C14orf132: variants seen among roughly 807,000 people sequenced by gnomAD.
The protein encoded by C14orf132 is chromosome 14 open reading frame 132, also known as uncharacterized protein C14orf132.
Under a neutral mutation model 5.8 loss-of-function variants are expected in C14orf132, and 6 were observed. That is an observed-to-expected ratio of 1.03 (90% CI 0.57 to 2.04). C14orf132 has a LOEUF of 2.04. C14orf132 is among the 30% of genes most tolerant of loss of function. The pLI is 0.00. For synonymous variants in C14orf132, 51 were observed against 49.8 expected (o/e 1.02, Z -0.10); for missense variants, 125 against 115.8 (o/e 1.08, Z -0.37).
intron 1 of C14orf132, among the ~76,000 whole-genome samples, chr14:96,080,020 AT>A (rs778474816): frequency 5.9e-5 from 9 of 152,250 alleles, no homozygotes; most frequent in Non-Finnish European, 1.2e-4. Context: ...TATGCTAAAA[AT>A]TGTGTTGTTT....
intron 1 of C14orf132, among the ~76,000 whole-genome samples, chr14:96,083,374 C>G (rs1214257060): frequency 6.6e-6 from 1 of 152,088 alleles, no homozygotes; most frequent in Non-Finnish European, 1.5e-5. Context: ...GAGTGATGCC[C>G]CCACCAAGGA....
At position 96,088,697 on chromosome 14, in the gene C14orf132, C is replaced by A. The variant is rs1278633846; in HGVS notation, c.*1962C>A. On this transcript the variant is annotated 3_prime_UTR_variant, in exon 2 of 2. Transcript: ENST00000555004. The stretch of plus-strand genomic sequence containing the variant: ...CCACATGCTCAAATCTTCCCTCTGG[C>A]CCCACATCCCTAGGAGGGCCTGACC... The A allele has an allele frequency of 6.6e-6, 1 of 152,242 alleles. No homozygotes were observed. Among genetic ancestry groups the A allele is most frequent in the African/African-American group, 2.4e-5 (1 of 41,464 alleles). 9.4% of individuals were successfully genotyped at this position (152,242 alleles called of 1,614,324 possible).
At position 96,049,562 on chromosome 14, in the gene C14orf132, G is replaced by GTATATATACACACATATGTA. The variant is rs1566823694; in HGVS notation, c.27+10045_27+10046insCACATATGTATATATATACA. ...CATACGTATATATATACATATATAC[G>GTATATATACACACATATGTA]TATATATACATATATACGTATATAT... On this transcript the variant is annotated intron_variant, in intron 1 of 1. Coordinates refer to ENST00000555004, the MANE Select transcript of C14orf132 (RefSeq NM_001252507.3). Among the ~76,000 whole-genome samples, 474 of 94,502 alleles carry GTATATATACACACATATGTA rather than the reference G, an allele frequency of 5.0e-3. 13 individuals are homozygous for GTATATATACACACATATGTA. The highest frequency in any genetic ancestry group is 0.014 in the Middle Eastern group (2 of 146). The allele number at this position is 94,502 out of a possible 152,430, so 62.0% of individuals were successfully genotyped here. A position where few individuals can be genotyped will look rare whatever the true frequency, so the allele number is the denominator to read the frequency against.
At chr14:96,076,363 G>T (rs1334542300) in intron 1 of C14orf132, among the ~76,000 whole-genome samples, 2 of 152,158 alleles carry the variant, frequency 1.3e-5, no homozygotes, top group Non-Finnish European at 2.9e-5. Flanking sequence ...TCTTTTAAAA[G>T]AACCAGTTTG....
chr14:96,075,270 C>G (rs1339991248), intron 1 of C14orf132, among the ~76,000 whole-genome samples: 2 of 152,128 alleles, frequency 1.3e-5, no homozygotes, highest in African/African-American at 4.8e-5. Flanking sequence ...TATGACCTTT[C>G]AAAATTCAGT....
At chr14:96,067,561 T>C (rs1468042744) in intron 1 of C14orf132, among the ~76,000 whole-genome samples, 2 of 151,966 alleles carry the variant, frequency 1.3e-5, no homozygotes, top group African/African-American at 4.8e-5. Context: ...TAGCTGGGCG[T>C]GGTGGTGGGC....
intron 1 of C14orf132, among the ~76,000 whole-genome samples, chr14:96,058,769 A>G (rs1887258019): frequency 6.6e-6 from 1 of 152,216 alleles, no homozygotes; most frequent in Non-Finnish European, 1.5e-5. Context: ...CAGCTCTCCC[A>G]GGTGCCTCCT....
Position 96,046,622 on chromosome 14 carries a change from T to C in C14orf132, c.27+7095T>C, listed in dbSNP as rs74784637. 3.8e-3 allele frequency among the ~76,000 whole-genome samples: 580 copies of C among 152,360 alleles called. 35 individuals carry two copies. The East Asian group carries it at 0.095, about 25-fold the overall frequency. ...CCACCTCGCTCTTTCGCCTGTCTCT[T>C]GGAATCTGGCCCTTGCCAGGTGGGA... On this transcript the variant is annotated intron_variant, in intron 1 of 1. Transcript: ENST00000555004.
At position 96,087,553 on chromosome 14, in the gene C14orf132, T is replaced by C. The variant is rs555421184; in HGVS notation, c.*818T>C. The C allele has an allele frequency of 1.3e-5, 2 of 152,070 alleles. No individual in the cohort carries two copies. Among genetic ancestry groups the C allele is most frequent in the South Asian group, 4.2e-4 (2 of 4,796 alleles). The allele number at this position is 152,070 out of a possible 1,614,324, so 9.4% of individuals were successfully genotyped here. On this transcript the variant is annotated 3_prime_UTR_variant, in exon 2 of 2. Coordinates refer to ENST00000555004, the MANE Select transcript of C14orf132 (RefSeq NM_001252507.3). ...TCCACTGAATTATTCAACGGATGGGTCAGAAAGGGGGGTGATTTGCCTGTG... is the reference window on the plus strand; with the variant it reads ...TCCACTGAATTATTCAACGGATGGGCCAGAAAGGGGGGTGATTTGCCTGTG...
Position 96,075,165 on chromosome 14 carries a change from GTGT to G in C14orf132, c.28-11339_28-11337del, listed in dbSNP as rs1459726544. Among the ~76,000 whole-genome samples the G allele has an allele frequency of 4.6e-5, 7 of 152,190 alleles. No homozygotes were observed. In the East Asian group the frequency reaches 1.2e-3, roughly 25 times the overall value. ...TCTAGGCTAAGTATTTTATTTTTTG[GTGT>G]TGTTGTAAATGGTGCTTTTTGGCTA... On this transcript the variant is annotated intron_variant, in intron 1 of 1. Transcript: ENST00000555004.
intron 1 of C14orf132, among the ~76,000 whole-genome samples, chr14:96,064,944 G>C (rs1165231281): frequency 6.6e-6 from 1 of 152,218 alleles, no homozygotes; most frequent in Non-Finnish European, 1.5e-5. Context: ...AGGCTTTGCT[G>C]GTTGGCAGGG....
chr14:96,045,544 G>C (rs1257830540), intron 1 of C14orf132, among the ~76,000 whole-genome samples: 1 of 152,204 alleles, frequency 6.6e-6, no homozygotes, highest in African/African-American at 2.4e-5. Flanking sequence ...GCCCTGGAGA[G>C]CTTGGCCAGC....
intron 1 of C14orf132, among the ~76,000 whole-genome samples, chr14:96,041,455 C>G (rs553580791): frequency 6.6e-6 from 1 of 152,312 alleles, no homozygotes; most frequent in Admixed American, 6.5e-5. Flanking sequence ...GAGAAAGATA[C>G]GATGTAAGGT....
Position 96,086,685 on chromosome 14 carries a change from A to G in C14orf132, c.202A>G (p.Thr68Ala). 3 of 1,536,142 alleles carry G rather than the reference A, an allele frequency of 2.0e-6. No individual in the cohort carries two copies. Among genetic ancestry groups the G allele is most frequent in the East Asian group, 2.4e-5 (1 of 40,906 alleles). Residue 68 changes from threonine to alanine, a missense_variant, in exon 2 of 2, where the codon ACG becomes GCG. Transcript: ENST00000555004. ...CTTGCTATGGATTGCCATCATAGCT[A>G]CGCTGGGGAACATCGTGGTGGTGGG... ...AVLLWIAIIA[T>A]LGNIVVVGVV...
chr14:96,051,945 T>C (rs979020935), intron 1 of C14orf132, among the ~76,000 whole-genome samples: 6 of 152,234 alleles, frequency 3.9e-5, no homozygotes, highest in Admixed American at 3.9e-4. Context: ...CGCCCTCTGG[T>C]GGAAGAAGAG....
chr14:96,074,935 T>C (rs1009145295), intron 1 of C14orf132, among the ~76,000 whole-genome samples: 4 of 152,208 alleles, frequency 2.6e-5, no homozygotes, highest in Non-Finnish European at 5.9e-5. Context: ...TTGAATCAGC[T>C]TGTTGGCATT....
intron 1 of C14orf132, among the ~76,000 whole-genome samples, chr14:96,070,596 TCACACACA>T (rs77447486): frequency 7.0e-6 from 1 of 142,658 alleles, no homozygotes; most frequent in African/African-American, 2.6e-5. Context: ...TCTCTCTCTC[TCACACACA>T]CACACACACA....
At chr14:96,072,830 C>T (rs937889499) in intron 1 of C14orf132, among the ~76,000 whole-genome samples, 18 of 152,186 alleles carry the variant, frequency 1.2e-4, no homozygotes, top group Admixed American at 3.3e-4. Context: ...TCATTTTTAT[C>T]GCCAAGTGGG....
intron 1 of C14orf132, among the ~76,000 whole-genome samples, chr14:96,046,349 G>A (rs1000129585): frequency 1.3e-5 from 2 of 152,144 alleles, no homozygotes. Flanking sequence ...TCATCCCGGG[G>A]CTGCCAGTGT....
Sources: gnomAD v4.1 joint callset for allele counts (sites outside exome capture counted in the v4.1 genomes callset) on GRCh38, gnomAD v4.1.1 for gene constraint, MANE v1.5 for transcripts, NCBI Gene and HGNC (gene_info 2026-07-23, HGNC 2026-07-21) for gene names.